Variants in NKPD1 observed in about 807,000 individuals in gnomAD.
NKPD1 encodes NTPase KAP family P-loop domain containing 1.
In NKPD1, 37 loss-of-function variants were observed where a neutral mutation model predicts 42.2. That is an observed-to-expected ratio of 0.88 (90% confidence interval 0.67 to 1.15). The LOEUF (loss-of-function observed/expected upper bound fraction) is 1.15. Ranked by LOEUF, NKPD1 falls within the 50% of genes most tolerant of loss-of-function variation. The probability of loss-of-function intolerance (pLI) is 0.00; values close to 1 mark genes in which losing one functional copy is unlikely to be tolerated. For missense variants in NKPD1, 1,113 were observed against 1,174.6 expected (o/e 0.95, Z 0.77); for synonymous variants, 552 against 536.5 (o/e 1.03, Z -0.40).
chr19:45,153,629 G>A lies in NKPD1; in HGVS notation c.808C>T (p.Arg270Trp). The change falls in exon 5 of 5, where the codon CGG (arginine) becomes TGG (tryptophan). Residue 270 changes from arginine to tryptophan, a missense_variant. Arg to Trp is a moderately radical substitution (Grantham distance 101). Around this residue, in one of 3 missense-constraint regions of NKPD1, gnomAD observed 867 missense variants for 870.1 expected, o/e 1.00. Coordinates refer to ENST00000686631, the MANE Select transcript of NKPD1 (RefSeq NM_198478.4). ...LQPIITEVHL[R>W]RRNVQFLFIR... ...AAAAGGAACTGCACGTTCCTGCGCCGCAGGTGCACCTCGGTGATGATGGGC... is the reference window on the plus strand; with the variant it reads ...AAAAGGAACTGCACGTTCCTGCGCCACAGGTGCACCTCGGTGATGATGGGC... 6.3e-7 allele frequency: 1 copy of A among 1,582,480 alleles called. No homozygotes were observed. The highest frequency in any genetic ancestry group is 8.6e-7 in the Non-Finnish European group (1 of 1,163,486).
rs1361595886 is a variant in NKPD1, at chr19:45,149,747, A to G, written c.*2191T>C. The G allele has an allele frequency of 2.6e-5, 4 of 152,288 alleles. No homozygotes were observed. Among genetic ancestry groups the G allele is most frequent in the East Asian group, 3.9e-4 (2 of 5,184 alleles). 9.4% of individuals were successfully genotyped at this position (152,288 alleles called of 1,614,324 possible). A position where few individuals can be genotyped will look rare whatever the true frequency, so the allele number is the denominator to read the frequency against. ...GGGGTCTGTTTCATGCAAGATCTCA[A>G]TGTCCTAACACAGGAGATGTTTATT... On this transcript the variant is annotated 3_prime_UTR_variant, in exon 5 of 5. Coordinates refer to ENST00000686631, the MANE Select transcript of NKPD1 (RefSeq NM_198478.4).
At chr19:45,159,787 G>A (rs1292270880) in intron 2 of NKPD1, among the ~76,000 whole-genome samples, 23 of 152,172 alleles carry the variant, frequency 1.5e-4, no homozygotes, top group Admixed American at 1.5e-3. Flanking sequence ...CCAGGCTGGA[G>A]GCCATCCACA....
rs1239157303 is a variant in NKPD1 at position 45,152,316 on chromosome 19, C to T, written c.2121G>A (p.Ala707=). 6.8e-6 allele frequency: 11 copies of T among 1,610,190 alleles called. No homozygotes were observed. The highest frequency in any genetic ancestry group is 2.7e-5 in the African/African-American group (2 of 74,854). The part of the protein sequence containing the change: ...NSRELHTMTK[A]LQNVLDLDGD... ...CGTCCAGGTCGAGCACGTTCTGCAACGCCTTGGTCATGGTGTGCAGCTCGC... is the reference window on the plus strand; with the variant it reads ...CGTCCAGGTCGAGCACGTTCTGCAATGCCTTGGTCATGGTGTGCAGCTCGC... The change falls in exon 5 of 5, where the codon GCG becomes GCA. Residue 707 remains alanine, a synonymous_variant. Coordinates refer to ENST00000686631, the MANE Select transcript of NKPD1 (RefSeq NM_198478.4).
intron 3 of NKPD1, among the ~76,000 whole-genome samples, chr19:45,157,157 G>A (rs530869103): frequency 2.0e-5 from 3 of 152,226 alleles, no homozygotes; most frequent in South Asian, 2.1e-4. Context: ...CTGCTCCCTC[G>A]GCCACCTGCT....
chr19:45,152,434 CT>C lies in NKPD1; in HGVS notation c.2002del (p.Ser668AlafsTer37). The stretch of plus-strand genomic sequence containing the variant: ...GTCCTCCAGGCACTGCAGCGCCCAG[CT>C]CAGGCGGCACGGCCACTGGTTGGCG... ...VLANQWPCRL[S>X]WALQCLEDRQ... On this transcript the variant is annotated frameshift_variant, in exon 5 of 5. Coordinates refer to ENST00000686631, the MANE Select transcript of NKPD1 (RefSeq NM_198478.4). LOFTEE classifies it low-confidence loss of function (END_TRUNC). 6.4e-7 allele frequency: 1 copy of C among 1,562,694 alleles called. No individual in the cohort carries two copies. Among genetic ancestry groups the C allele is most frequent in the Non-Finnish European group, 8.6e-7 (1 of 1,157,536 alleles).
In NKPD1 at chr19:45,155,813, G is replaced by A. The variant is rs1434973758; in HGVS notation, c.633C>T (p.Arg211=). 7.7e-7 allele frequency: 1 copy of A among 1,305,292 alleles called. No homozygotes were observed. The highest frequency in any genetic ancestry group is 1.0e-6 in the Non-Finnish European group (1 of 988,832). The allele number at this position is 1,305,292 out of a possible 1,614,324, so 80.9% of individuals were successfully genotyped here. ...TVGFYAPFGC[R]LHMMLDKITA... ...TGATCTTGTCCAGCATCATGTGCAG[G>A]CGGCAGCCGAAAGGGGCATAGAAAC... Residue 211 remains arginine (R), a synonymous_variant, in exon 4 of 5, where the codon CGC becomes CGT. Transcript: ENST00000686631.
rs1325399123 is a variant in NKPD1 at position 45,152,941 on chromosome 19, G to T, written c.1496C>A (p.Ala499Asp). ...FILVVDPSILAACLESAGNMK... is the reference protein window; with the variant it reads ...FILVVDPSILDACLESAGNMK... The stretch of plus-strand genomic sequence containing the variant: ...GTTGCCCGCGCTCTCTAGGCACGCG[G>T]CCAGGATGCTGGGGTCCACGACCAG... The change falls in exon 5 of 5, where the codon GCC becomes GAC. Residue 499 changes from alanine (A) to aspartate (D), a missense_variant. Ala to Asp is a moderately radical substitution (Grantham distance 126). Transcript: ENST00000686631. 1 of 1,581,826 alleles carries T rather than the reference G, an allele frequency of 6.3e-7. No individual in the cohort carries two copies. The highest frequency in any genetic ancestry group is 8.6e-7 in the Non-Finnish European group (1 of 1,162,702).
chr19:45,156,793 G>A (rs560342028), intron 3 of NKPD1, among the ~76,000 whole-genome samples: 1 of 152,330 alleles, frequency 6.6e-6, no homozygotes, highest in East Asian at 1.9e-4. Flanking sequence ...GTGCACAGTG[G>A]GGGTAACACA....
intron 4 of NKPD1, among the ~76,000 whole-genome samples, chr19:45,154,822 C>T (rs1298598646): frequency 3.9e-5 from 6 of 152,024 alleles, no homozygotes; most frequent in Non-Finnish European, 4.4e-5. Flanking sequence ...GTCAGGAGTT[C>T]AAGACCAGCC....
intron 4 of NKPD1, 58 bp downstream of exon 4, chr19:45,155,727 C>T (rs889553000): frequency 7.0e-5 from 88 of 1,260,184 alleles, no homozygotes; most frequent in African/African-American, 4.6e-4. Flanking sequence ...TGGAGCTGGG[C>T]GGGGACCAGA....
At position 45,152,571 on chromosome 19, in the gene NKPD1, C is replaced by G; in HGVS notation, c.1866G>C (p.Met622Ile). 6.3e-7 allele frequency: 1 copy of G among 1,586,292 alleles called. No homozygotes were observed. ...TGGGCACGGTGTTGACGATGCGCCG[C>G]ATGGACACCACGTTGTCGGGCACGT... ...YEYVPDNVVS[M>I]RRIVNTVPIT... Residue 622 changes from methionine to isoleucine, a missense_variant, in exon 5 of 5, where the codon ATG becomes ATC. Physicochemically the swap from Met to Ile is conservative, Grantham distance 10 (BLOSUM62 1). This residue lies in a region of NKPD1 where 867 missense variants were observed against 870.1 expected (regional missense o/e 1.00). Transcript: ENST00000686631.
rs1174031090 is a variant in NKPD1, at chr19:45,153,199, C to T, written c.1238G>A (p.Arg413Gln). ...GCCGAACTTTTCACGCGACACCAGC[C>T]GCTCGATCTTCTTGCGCTGGCTTAC... Reference protein sequence around the residue: ...LFVSQRKKIERLVSREKFGSQ... With the variant: ...LFVSQRKKIEQLVSREKFGSQ... The change falls in exon 5 of 5, where the codon CGG (arginine) becomes CAG (glutamine). Residue 413 changes from arginine to glutamine, a missense_variant. Arg to Gln is a conservative substitution (Grantham distance 43). Transcript: ENST00000686631. 1 of 1,590,204 alleles carries T rather than the reference C, an allele frequency of 6.3e-7. No individual in the cohort carries two copies. Among genetic ancestry groups the T allele is most frequent in the South Asian group, 1.1e-5 (1 of 87,806 alleles).
chr19:45,160,146 T>G lies in NKPD1; in HGVS notation c.5A>C (p.His2Pro). M[H>P]KHYKVHFAKD... ...GGCGAAGTGGACTTTGTAATGTTTG[T>G]GCATGGCAGCCGGGCAGCTGGGTGC... Residue 2 changes from histidine (H) to proline (P), a missense_variant, in exon 2 of 5, where the codon CAC (histidine) becomes CCC (proline). This residue lies in a region of NKPD1 where 204 missense variants were observed against 227.8 expected (regional missense o/e 0.90). Coordinates refer to ENST00000686631, the MANE Select transcript of NKPD1 (RefSeq NM_198478.4). The G allele has an allele frequency of 7.7e-7, 1 of 1,304,632 alleles. No individual in the cohort carries two copies. Among genetic ancestry groups the G allele is most frequent in the Non-Finnish European group, 1.0e-6 (1 of 988,558 alleles). The allele number at this position is 1,304,632 out of a possible 1,614,324, so 80.8% of individuals were successfully genotyped here.
Position 45,153,057 on chromosome 19 carries a change from C to T in NKPD1, c.1380G>A (p.Gly460=). ...CGCGCTCCGGGTAGCACGTGTCCAG[C>T]CCGGTGACCTCCAGCACCACGCGCA... ...RRLRVVLEVT[G]LDTCYPERVV... is the part of the protein sequence containing the mutation. The change falls in exon 5 of 5, where the codon GGG becomes GGA. Residue 460 remains glycine (G), a synonymous_variant. Transcript: ENST00000686631. The T allele has an allele frequency of 6.3e-7, 1 of 1,584,642 alleles. No individual in the cohort carries two copies. The highest frequency in any genetic ancestry group is 8.6e-7 in the Non-Finnish European group (1 of 1,165,864).
At chr19:45,157,913 T>G (rs1968934569) in intron 3 of NKPD1, among the ~76,000 whole-genome samples, 1 of 150,290 alleles carries the variant, frequency 6.7e-6, no homozygotes, top group Admixed American at 6.6e-5. Context: ...TTAGTAGAGA[T>G]AGGGTTGTAC....
At chr19:45,159,174 G>A (rs77766022) in intron 2 of NKPD1, 74 bp from the exon 3 acceptor site, 20,672 of 1,218,258 alleles carry the variant, frequency 0.017, 210 homozygotes, top group Non-Finnish European at 0.02. Context: ...GCCAGACCAA[G>A]TCTTCAGGTA....
At chr19:45,154,271 C>T (rs1599721640) in intron 4 of NKPD1, among the ~76,000 whole-genome samples, 1 of 152,210 alleles carries the variant, frequency 6.6e-6, no homozygotes, top group South Asian at 2.1e-4. Context: ...GCAGGAAGCC[C>T]TCCCTGATCC....
chr19:45,159,089 G>T lies in NKPD1; in HGVS notation c.103C>A (p.Gln35Lys). 1 of 1,285,440 alleles carries T rather than the reference G, an allele frequency of 7.8e-7. No homozygotes were observed. The allele number at this position is 1,285,440 out of a possible 1,614,324, so 79.6% of individuals were successfully genotyped here. ...AGGGCCGCTGAGTCCTGGCGCCACT[G>T]ATGACAGCATCCTGGAAGGAAGGAA... ...ELGHRKGCCH[Q>K]WRQDSAALRA... Residue 35 changes from glutamine (Q) to lysine (K), a missense_variant, in exon 3 of 5, where the codon CAG (glutamine) becomes AAG (lysine). This residue lies in a region of NKPD1 where 204 missense variants were observed against 227.8 expected (regional missense o/e 0.90). Transcript: ENST00000686631.
At chr19:45,156,232 T>C (rs1047178538) in intron 3 of NKPD1, among the ~76,000 whole-genome samples, 4 of 152,168 alleles carry the variant, frequency 2.6e-5, no homozygotes, top group Non-Finnish European at 5.9e-5. Flanking sequence ...TAGCCCGTGA[T>C]TCCCCCGGGG....
Sources: allele counts gnomAD v4.1 joint callset (sites outside exome capture counted in the v4.1 genomes callset), GRCh38; gene constraint gnomAD v4.1.1; regional missense constraint gnomAD v4.1.1; transcripts MANE v1.5; gene names NCBI Gene and HGNC (gene_info 2026-07-23, HGNC 2026-07-21).